The following RYR3 variants were observed in gnomAD, a reference collection of about 807,000 sequenced individuals.
RYR3 encodes ryanodine receptor 3, also known as brain ryanodine receptor-calcium release channel.
A neutral mutation model predicts 584.3 loss-of-function variants in RYR3; 207 were observed. The ratio of observed to expected loss-of-function variants is 0.35; its 90% CI spans 0.32 to 0.40. RYR3 has a LOEUF of 0.40. Ranked by LOEUF, RYR3 falls within the 10% of genes least tolerant of loss-of-function variation. The probability of loss-of-function intolerance (pLI) is 1.00; values close to 1 mark genes in which losing one functional copy is unlikely to be tolerated. For missense variants in RYR3, 5,616 were observed against 6,089.2 expected, an observed-to-expected ratio of 0.92 and a Z score of 2.59; for synonymous variants, 2,416 against 2,248.5, an observed-to-expected ratio of 1.07 and a Z score of -2.11.
chr15:33,674,520 C>G (rs1411940401), intron 38 of RYR3, among the ~76,000 whole-genome samples: 3 of 152,138 alleles, frequency 2.0e-5, no homozygotes, highest in Admixed American at 2.0e-4. Flanking sequence ...ACATGTCGTA[C>G]TTGTTTCCAC....
intron 1 of RYR3, among the ~76,000 whole-genome samples, chr15:33,330,150 G>A (rs1970206341): frequency 6.6e-6 from 1 of 152,094 alleles, no homozygotes; most frequent in Non-Finnish European, 1.5e-5. Flanking sequence ...GAGTAACTTA[G>A]CTCAAAGTGG....
intron 1 of RYR3, among the ~76,000 whole-genome samples, chr15:33,386,756 T>C (rs73378499): frequency 0.015 from 2,268 of 152,326 alleles, 72 homozygotes; most frequent in African/African-American, 0.052. Context: ...TCTCTAGATG[T>C]GTTATAGAAG....
rs556680206 is a variant in RYR3 at position 33,468,558 on chromosome 15, G to A, written c.52-4861G>A. 2.0e-5 allele frequency among the ~76,000 whole-genome samples: 3 copies of A among 152,322 alleles called. 1 individual carries two copies. In the South Asian group the frequency reaches 6.2e-4, roughly 32 times the overall value. On this transcript the variant is annotated intron_variant, in intron 1 of 103. Transcript: ENST00000634891. ...ATGAAAATGACCCTGTTATGTGGGT[G>A]AAAGTAGGGAAATTTCTTGTAATCC...
intron 69 of RYR3, 195 bp downstream of exon 69, chr15:33,802,156 A>G: frequency 1.4e-6 from 1 of 729,796 alleles, no homozygotes; most frequent in Non-Finnish European, 2.5e-6. Flanking sequence ...ATCACATTTT[A>G]TGAATAAATA....
In RYR3 at chr15:33,773,105, G is replaced by A. The variant is rs74006001; in HGVS notation, c.9056-429G>A. On this transcript the variant is annotated intron_variant, in intron 63 of 103. Coordinates refer to ENST00000634891, the MANE Select transcript of RYR3 (RefSeq NM_001036.6). ...TCTAAGGGAAGTCTAGCAGTTGGAC[G>A]TATCTTCCTGGGAAATGAGCAAAAG... 1.9e-3 allele frequency among the ~76,000 whole-genome samples: 287 copies of A among 152,310 alleles called. 1 individual carries two copies. The highest frequency in any genetic ancestry group is 6.8e-3 in the African/African-American group (281 of 41,578).
At chr15:33,360,032 A>T (rs1974542384) in intron 1 of RYR3, among the ~76,000 whole-genome samples, 1 of 152,086 alleles carries the variant, frequency 6.6e-6, no homozygotes, top group Non-Finnish European at 1.5e-5. Flanking sequence ...TGCATTGATT[A>T]TCTGTCTCTC....
chr15:33,855,547 T>C (rs368704562), intron 98 of RYR3, among the ~76,000 whole-genome samples: 2 of 152,166 alleles, frequency 1.3e-5, no homozygotes, highest in Middle Eastern at 3.2e-3. Flanking sequence ...GAATCTGATA[T>C]ATTCCCTGGG....
intron 2 of RYR3, among the ~76,000 whole-genome samples, chr15:33,484,536 T>C (rs1001580876): frequency 6.6e-6 from 1 of 152,196 alleles, no homozygotes; most frequent in Non-Finnish European, 1.5e-5. Flanking sequence ...TAGGGACTTA[T>C]TGCTGAAGGA....
At chr15:33,808,852 T>G (rs945138573) in intron 70 of RYR3, among the ~76,000 whole-genome samples, 2 of 152,144 alleles carry the variant, frequency 1.3e-5, no homozygotes, top group Admixed American at 6.5e-5. Context: ...CCCCTCCCAC[T>G]GCTGTCCAAG....
At position 33,550,321 on chromosome 15, in the gene RYR3, G is replaced by A; in HGVS notation, c.972+5G>A. The A allele has an allele frequency of 6.2e-7, 1 of 1,611,316 alleles. No homozygotes were observed. The highest frequency in any genetic ancestry group is 1.1e-5 in the South Asian group (1 of 90,404). On this transcript the variant is annotated splice_donor_5th_base_variant and intron_variant, in intron 10 of 103. Transcript: ENST00000634891. ...TTCTCTTTCCGGGCATCAAAGGTAA[G>A]GTGTGATAAAGTGGACTTTGACCCT...
chr15:33,352,142 C>T (rs1973359208), intron 1 of RYR3, among the ~76,000 whole-genome samples: 1 of 151,998 alleles, frequency 6.6e-6, no homozygotes, highest in Non-Finnish European at 1.5e-5. Flanking sequence ...AGATCTTTTG[C>T]CCGTTTTTAA....
chr15:33,832,388 C>T (rs114247502), intron 86 of RYR3, among the ~76,000 whole-genome samples: 1,849 of 152,176 alleles, frequency 0.012, 48 homozygotes, highest in African/African-American at 0.042. Flanking sequence ...GGCACGGTGG[C>T]TCACGCAAGT....
At position 33,390,099 on chromosome 15, in the gene RYR3, C is replaced by T. The variant is rs1196640070; in HGVS notation, c.51+79003C>T. The stretch of plus-strand genomic sequence containing the variant: ...TTGTGGTAAATGAAATTTATGTCGC[C>T]GGATGAATTGGCTTCACTGCTGGAA... On this transcript the variant is annotated intron_variant, in intron 1 of 103. Coordinates refer to ENST00000634891, the MANE Select transcript of RYR3 (RefSeq NM_001036.6). This position sits in a 1 kb window ranked among gnomAD's most constrained non-coding sequence, Gnocchi z 4.2. 4.6e-5 allele frequency among the ~76,000 whole-genome samples: 7 copies of T among 152,140 alleles called. No homozygotes were observed. Among genetic ancestry groups the T allele is most frequent in the South Asian group, 2.1e-4 (1 of 4,828 alleles).
intron 1 of RYR3, among the ~76,000 whole-genome samples, chr15:33,384,622 C>CAT (rs1555450729): frequency 1.3e-5 from 2 of 149,580 alleles, no homozygotes; most frequent in African/African-American, 4.9e-5. Context: ...CACACACACA[C>CAT]GTTGTGGAAT....
At chr15:33,786,457 G>A (rs184264051) in intron 66 of RYR3, among the ~76,000 whole-genome samples, 3 of 150,762 alleles carry the variant, frequency 2.0e-5, no homozygotes, top group Non-Finnish European at 2.9e-5. Context: ...TCTCATGCGG[G>A]CTCACGGTAG....
intron 19 of RYR3, among the ~76,000 whole-genome samples, chr15:33,617,418 A>G (rs1226438832): frequency 6.6e-6 from 1 of 152,084 alleles, no homozygotes; most frequent in Admixed American, 6.5e-5. Flanking sequence ...ACTCAAAAAA[A>G]AAACGTATTT....
At chr15:33,656,445 T>C (rs1430488607) in intron 32 of RYR3, among the ~76,000 whole-genome samples, 1 of 152,124 alleles carries the variant, frequency 6.6e-6, no homozygotes, top group African/African-American at 2.4e-5. Flanking sequence ...CGAGTATGTG[T>C]TGCCAGACTG....
In RYR3 at chr15:33,409,606, A is replaced by G. The variant is rs182029159; in HGVS notation, c.52-63813A>G. Among the ~76,000 whole-genome samples, 3 of 152,262 alleles carry G rather than the reference A, an allele frequency of 2.0e-5. No homozygotes were observed. In the East Asian group the frequency reaches 5.8e-4, roughly 29 times the overall value. On this transcript the variant is annotated intron_variant, in intron 1 of 103. Transcript: ENST00000634891. ...CCAGTTTCTGGTGTCCAGTGTCTTG[A>G]AAAACCATTGTTCCATATCCAGTAT...
chr15:33,628,056 A>G (rs571327118), intron 20 of RYR3, among the ~76,000 whole-genome samples: 104 of 152,332 alleles, frequency 6.8e-4, no homozygotes, highest in Non-Finnish European at 1.2e-3. Flanking sequence ...AGCTTTGGGT[A>G]ACATATTGAG....
Sources: allele counts gnomAD v4.1 joint callset (sites outside exome capture counted in the v4.1 genomes callset), GRCh38; gene constraint gnomAD v4.1.1; non-coding constraint Gnocchi (gnomAD v3.1); transcripts MANE v1.5; gene names NCBI Gene and HGNC (gene_info 2026-07-23, HGNC 2026-07-21).